ZFP82: variants seen among roughly 807,000 people sequenced by gnomAD.
The protein encoded by ZFP82 is ZFP82 zinc finger protein.
A neutral mutation model predicts 54.0 loss-of-function variants in ZFP82; 30 were observed. The ratio of observed to expected loss-of-function variants is 0.56; its 90% CI spans 0.42 to 0.75. The LOEUF (loss-of-function observed/expected upper bound fraction) is 0.75, where lower values mean the gene tolerates loss of function less well. Among genes scored for constraint, ZFP82 ranks in the 30% least tolerant of loss-of-function variants. ZFP82 has a pLI of 0.00. For missense variants in ZFP82, 500 were observed against 636.8 expected (o/e 0.79, Z 2.31); for synonymous variants, 194 against 209.5 (o/e 0.93, Z 0.64).
chr19:36,411,864 C>CAAAA (rs58166953), intron 1 of ZFP82, among the ~76,000 whole-genome samples: 1 of 119,264 alleles, frequency 8.4e-6, no homozygotes, highest in African/African-American at 3.2e-5. Context: ...GACCCCGTCT[C>CAAAA]AAAAAAAAAA....
chr19:36,388,268 G>T (rs966829393), downstream of ZFP82, among the ~76,000 whole-genome samples: 5 of 151,920 alleles, frequency 3.3e-5, no homozygotes, highest in East Asian at 3.9e-4. Flanking sequence ...AAGTAAAATT[G>T]GCCCACATTT....
At chr19:36,404,706 A>G (rs1249028182) in intron 4 of ZFP82, among the ~76,000 whole-genome samples, 1 of 152,230 alleles carries the variant, frequency 6.6e-6, no homozygotes, top group African/African-American at 2.4e-5. Context: ...ATACTTGGCT[A>G]ACATTCAGCA....
At chr19:36,383,924 A>G (rs994112545), downstream of ZFP82, 1 of 152,208 alleles carries the variant, frequency 6.6e-6, no homozygotes, top group African/African-American at 2.4e-5. Context: ...CAATATTCAG[A>G]TGTGAAAATA....
At position 36,390,543 on chromosome 19, in the gene ZFP82, T is replaced by G. The variant is rs1402275729; in HGVS notation, c.*2198A>C. On this transcript the variant is annotated 3_prime_UTR_variant, in exon 5 of 5. Coordinates refer to ENST00000392161, the MANE Select transcript of ZFP82 (RefSeq NM_133466.4). ...CCAAGAAAACTTCACAGGTGTCCAC[T>G]GTGTGTATCCATTTCATCACATCAA... is the stretch of plus-strand genomic sequence containing the variant. 6.6e-6 allele frequency: 1 copy of G among 152,164 alleles called. No homozygotes were observed. Among genetic ancestry groups the G allele is most frequent in the African/African-American group, 2.4e-5 (1 of 41,432 alleles). 9.4% of individuals were successfully genotyped at this position (152,164 alleles called of 1,614,324 possible). A position where few individuals can be genotyped will look rare whatever the true frequency, so the allele number is the denominator to read the frequency against.
In ZFP82 at chr19:36,392,735, A is replaced by T. The variant is rs147225050; in HGVS notation, c.*6T>A. The stretch of plus-strand genomic sequence containing the variant: ...GTTCTATAACACAGAAGTTGAAAAG[A>T]CTTTCTTAGATTTTTACATTATGAA... On this transcript the variant is annotated 3_prime_UTR_variant, in exon 5 of 5. Transcript: ENST00000392161. 154 of 1,544,014 alleles carry T rather than the reference A, an allele frequency of 1.0e-4. No homozygotes were observed. The East Asian group carries it at 3.3e-3, about 34-fold the overall frequency.
In ZFP82 at chr19:36,389,466, A is replaced by T. The variant is rs1427114612; in HGVS notation, c.*3275T>A. Among the ~76,000 whole-genome samples, 1 of 152,186 alleles carries T rather than the reference A, an allele frequency of 6.6e-6. No homozygotes were observed. Among genetic ancestry groups the T allele is most frequent in the African/African-American group, 2.4e-5 (1 of 41,446 alleles). The stretch of plus-strand genomic sequence containing the variant: ...ATTAAACATTTACCAACATTTTGCT[A>T]ATCTTGTTTCATCTATCCCTCCCAC... On this transcript the variant is annotated 3_prime_UTR_variant, in exon 5 of 5. Transcript: ENST00000392161.
Position 36,407,870 on chromosome 19 carries a change from G to A in ZFP82, c.136+17C>T, listed in dbSNP as rs376415730. ...ACAGAGAACACAGTCTAAATTCCTA[G>A]AAGCAGATAACCTTACCCAGTGAGA... is the stretch of plus-strand genomic sequence containing the variant. On this transcript the variant is annotated intron_variant, in intron 3 of 4. Transcript: ENST00000392161. 1.2e-6 allele frequency: 2 copies of A among 1,611,204 alleles called. No individual in the cohort carries two copies. Among genetic ancestry groups the A allele is most frequent in the South Asian group, 2.2e-5 (2 of 90,848 alleles).
At chr19:36,398,783 T>C (rs2032338871) in intron 4 of ZFP82, among the ~76,000 whole-genome samples, 1 of 152,164 alleles carries the variant, frequency 6.6e-6, no homozygotes, top group Non-Finnish European at 1.5e-5. Context: ...ACTCGTGGGC[T>C]CAAGCAATCC....
chr19:36,390,610 A>G lies in ZFP82; in HGVS notation c.*2131T>C, dbSNP rs2032180799. ...TCATTTAGAGATGTTAATATAGATT[A>G]GTGTCCTGTCATTCTGCTCCATGCA... is the stretch of plus-strand genomic sequence containing the variant. On this transcript the variant is annotated 3_prime_UTR_variant, in exon 5 of 5. Transcript: ENST00000392161. 1 of 152,062 alleles carries G rather than the reference A, an allele frequency of 6.6e-6. No individual in the cohort carries two copies. Among genetic ancestry groups the G allele is most frequent in the Non-Finnish European group, 1.5e-5 (1 of 68,032 alleles). The allele number at this position is 152,062 out of a possible 1,614,324, so 9.4% of individuals were successfully genotyped here. A position where few individuals can be genotyped will look rare whatever the true frequency, so the allele number is the denominator to read the frequency against.
intron 4 of ZFP82, among the ~76,000 whole-genome samples, chr19:36,396,256 C>G (rs532859629): frequency 6.6e-6 from 1 of 152,148 alleles, no homozygotes; most frequent in East Asian, 1.9e-4. Flanking sequence ...GTGGCTCACA[C>G]CTGTAATCCC....
intron 3 of ZFP82, 57 bp from the exon 4 acceptor site, chr19:36,405,729 C>T: frequency 2.3e-6 from 3 of 1,298,700 alleles, no homozygotes; most frequent in Non-Finnish European, 3.2e-6. Context: ...ATCAAAATTA[C>T]TTTGATTCAG....
chr19:36,394,162 G>A, intron 4 of ZFP82, 52 bp from the exon 5 acceptor site: 21 of 1,437,076 alleles, frequency 1.5e-5, no homozygotes, highest in Non-Finnish European at 2.0e-5. Context: ...ACTAAAAGAA[G>A]CAACATTTCT....
At chr19:36,414,421 T>G (rs1006452668) in intron 1 of ZFP82, among the ~76,000 whole-genome samples, 3 of 150,256 alleles carry the variant, frequency 2.0e-5, no homozygotes, top group African/African-American at 7.3e-5. Flanking sequence ...TGGAATGCAG[T>G]GGCATGATCT....
intron 1 of ZFP82, among the ~76,000 whole-genome samples, chr19:36,413,761 C>T (rs1409540747): frequency 2.0e-5 from 3 of 152,112 alleles, no homozygotes; most frequent in Non-Finnish European, 4.4e-5. Context: ...AAGGAATAAA[C>T]AGTACCTACC....
intron 4 of ZFP82, among the ~76,000 whole-genome samples, chr19:36,401,682 A>C (rs2032386975): frequency 6.6e-6 from 1 of 152,246 alleles, no homozygotes; most frequent in South Asian, 2.1e-4. Flanking sequence ...TTAGAATACA[A>C]GCAGCCCGTG....
intron 1 of ZFP82, among the ~76,000 whole-genome samples, chr19:36,410,827 T>A (rs1002200038): frequency 9.2e-5 from 14 of 152,166 alleles, no homozygotes; most frequent in African/African-American, 3.4e-4. Flanking sequence ...ATTAACTATA[T>A]CCTCAGGATT....
At chr19:36,400,520 T>C (rs1033771014) in intron 4 of ZFP82, among the ~76,000 whole-genome samples, 12 of 152,214 alleles carry the variant, frequency 7.9e-5, no homozygotes, top group African/African-American at 2.9e-4. Context: ...TCTCACATTC[T>C]ATTGATCTTC....
At chr19:36,403,675 C>T (rs1204925935) in intron 4 of ZFP82, among the ~76,000 whole-genome samples, 1 of 143,632 alleles carries the variant, frequency 7.0e-6, no homozygotes, top group African/African-American at 2.6e-5. Flanking sequence ...GAGATGAAAA[C>T]AGCACAGACA....
Position 36,394,362 on chromosome 19 carries a change from A to G in ZFP82, c.230-252T>C, listed in dbSNP as rs901666783. On this transcript the variant is annotated intron_variant, in intron 4 of 4. Coordinates refer to ENST00000392161, the MANE Select transcript of ZFP82 (RefSeq NM_133466.4). ...TCATATTGAGGTGTGGATCAGAATCACCACATAGCTTGTTACTAACACTGA... is the reference window on the plus strand; with the variant it reads ...TCATATTGAGGTGTGGATCAGAATCGCCACATAGCTTGTTACTAACACTGA... The G allele has an allele frequency of 9.3e-6, 4 of 430,990 alleles. 1 individual carries two copies. Among genetic ancestry groups the G allele is most frequent in the Non-Finnish European group, 1.7e-5 (4 of 241,768 alleles). The allele number at this position is 430,990 out of a possible 1,614,324, so 26.7% of individuals were successfully genotyped here.
Sources: gnomAD v4.1 joint callset for allele counts (sites outside exome capture counted in the v4.1 genomes callset) on GRCh38, gnomAD v4.1.1 for gene constraint, MANE v1.5 for transcripts, NCBI Gene and HGNC (gene_info 2026-07-23, HGNC 2026-07-21) for gene names.